The following SHANK1 variants were observed in gnomAD, a reference collection of about 807,000 sequenced individuals.
SHANK1 encodes the protein SH3 and multiple ankyrin repeat domains 1, also known as SH3 and multiple ankyrin repeat domains protein 1.
In SHANK1, 35 loss-of-function variants were observed where a neutral mutation model predicts 165.6. That is an observed-to-expected ratio of 0.21 (90% CI 0.16 to 0.28). The LOEUF (loss-of-function observed/expected upper bound fraction) is 0.28. Among genes scored for constraint, SHANK1 ranks in the 10% least tolerant of loss-of-function variants. The pLI is 1.00. For missense variants in SHANK1, 2,681 were observed against 3,036.4 expected (o/e 0.88, Z 2.75); for synonymous variants, 1,428 against 1,384.8 (o/e 1.03, Z -0.69).
chr19:50,694,083 T>C (rs936370714), intron 15 of SHANK1, among the ~76,000 whole-genome samples: 2 of 150,772 alleles, frequency 1.3e-5, no homozygotes, highest in Non-Finnish European at 3.0e-5. Context: ...AGCCTCGCTG[T>C]CGCTCCAAGT....
chr19:50,717,423 G>T lies in SHANK1; in HGVS notation c.-43-461C>A, dbSNP rs1204059037. On this transcript the variant is annotated intron_variant, in intron 1 of 23. Transcript: ENST00000293441. The surrounding 1 kb of genome is among the most constrained non-coding windows in gnomAD (Gnocchi z 5.5). ...CCCAGGGCCGGGGGGTGGGGTTGGG[G>T]AGAAGCTGAGGCTGACACTGAGATG... Among the ~76,000 whole-genome samples, 3 of 152,222 alleles carry T rather than the reference G, an allele frequency of 2.0e-5. No homozygotes were observed. The highest frequency in any genetic ancestry group is 7.2e-5 in the African/African-American group (3 of 41,470).
At position 50,662,959 on chromosome 19, in the gene SHANK1, A is replaced by G. The variant is rs1015882954; in HGVS notation, c.5769-277T>C. ...GAGACATTAAGTGATAATAATAATA[A>G]TCGTCACCGCTTACTGATGCTCACG... On this transcript the variant is annotated intron_variant, in intron 23 of 23. Transcript: ENST00000293441. This position sits in a 1 kb window ranked among gnomAD's most constrained non-coding sequence, Gnocchi z 7.7. The G allele has an allele frequency of 6.5e-6, 3 of 463,214 alleles. No individual in the cohort carries two copies. Among genetic ancestry groups the G allele is most frequent in the Non-Finnish European group, 1.2e-5 (3 of 254,418 alleles). 28.7% of individuals were successfully genotyped at this position (463,214 alleles called of 1,614,324 possible). A position where few individuals can be genotyped will look rare whatever the true frequency, so the allele number is the denominator to read the frequency against.
At position 50,667,188 on chromosome 19, in the gene SHANK1, G is replaced by C. The variant is rs777170485; in HGVS notation, c.4772C>G (p.Pro1591Arg). The change falls in exon 23 of 24, where the codon CCG becomes CGG. Residue 1591 changes from proline to arginine, a missense_variant. Around this residue, in one of 10 missense-constraint regions of SHANK1, gnomAD observed 1,713 missense variants for 1,630.2 expected, o/e 1.05. Transcript: ENST00000293441. The surrounding 1 kb of genome is among the most constrained non-coding windows in gnomAD (Gnocchi z 5.7). ...GGCAGGGGCAGGTGTGTCGGGCAGC[G>C]GGTGGGGAGGCCCAGGCGTGAGGGG... ...ESPLTPGPPH[P>R]LPDTPAPATP... 1 of 1,570,264 alleles carries C rather than the reference G, an allele frequency of 6.4e-7. No homozygotes were observed. Among genetic ancestry groups the C allele is most frequent in the Admixed American group, 1.8e-5 (1 of 54,304 alleles).
At chr19:50,709,298 C>T (rs1178905266) in intron 8 of SHANK1, among the ~76,000 whole-genome samples, 2 of 152,122 alleles carry the variant, frequency 1.3e-5, no homozygotes, top group Non-Finnish European at 2.9e-5. Context: ...GCCACCACGC[C>T]TGGCTAACTT....
Position 50,718,689 on chromosome 19 carries a change from T to C in SHANK1, c.-44+717A>G, listed in dbSNP as rs1489141606. Among the ~76,000 whole-genome samples the C allele has an allele frequency of 9.3e-6, 1 of 108,008 alleles. No homozygotes were observed. Among genetic ancestry groups the C allele is most frequent in the Non-Finnish European group, 2.0e-5 (1 of 50,844 alleles). The allele number at this position is 108,008 out of a possible 152,430, so 70.9% of individuals were successfully genotyped here. A position where few individuals can be genotyped will look rare whatever the true frequency, so the allele number is the denominator to read the frequency against. On this transcript the variant is annotated intron_variant, in intron 1 of 23. Transcript: ENST00000293441. This position sits in a 1 kb window ranked among gnomAD's most constrained non-coding sequence, Gnocchi z 5.1. ...AGGCTGTGGGGGGACAGGGGGCGGCTGGCGTGGCCGAGAGCGGGGCCGGGG... is the reference window on the plus strand; with the variant it reads ...AGGCTGTGGGGGGACAGGGGGCGGCCGGCGTGGCCGAGAGCGGGGCCGGGG...
At chr19:50,672,573 A>AAAAAAAAG (rs1985837277) in intron 21 of SHANK1, among the ~76,000 whole-genome samples, 1 of 151,074 alleles carries the variant, frequency 6.6e-6, no homozygotes, top group Non-Finnish European at 1.5e-5. Context: ...AAAAAAAAAA[A>AAAAAAAAG]AAAAAAAGAA....
intron 19 of SHANK1, chr19:50,687,060 G>A: frequency 1.4e-6 from 2 of 1,458,304 alleles, no homozygotes; most frequent in Non-Finnish European, 1.8e-6. Flanking sequence ...GGGAGAGGCA[G>A]TAGAGGAGCC....
At chr19:50,694,389 A>C (rs1231538256) in intron 15 of SHANK1, among the ~76,000 whole-genome samples, 1 of 150,626 alleles carries the variant, frequency 6.6e-6, no homozygotes, top group African/African-American at 2.4e-5. Flanking sequence ...GGGACTTGCC[A>C]ACACCGTGAA....
intron 21 of SHANK1, among the ~76,000 whole-genome samples, chr19:50,683,465 C>T (rs1408271901): frequency 1.3e-5 from 2 of 152,168 alleles, no homozygotes; most frequent in South Asian, 2.1e-4. Flanking sequence ...ACATCCAACT[C>T]CTGGCCACCA....
Position 50,667,100 on chromosome 19 carries a change from G to T in SHANK1, c.4860C>A (p.Thr1620=), listed in dbSNP as rs1361052043. 1.3e-6 allele frequency: 2 copies of T among 1,558,428 alleles called. No homozygotes were observed. Among genetic ancestry groups the T allele is most frequent in the Non-Finnish European group, 1.7e-6 (2 of 1,158,508 alleles). ...TGTCATAGGATGTCAGGCTGGATGC[G>T]GTGGAGTCCAGGGTGGGAGGGGCTG... The part of the protein sequence containing the change: ...VAAAPPTLDS[T]ASSLTSYDSE... Residue 1620 remains threonine (T), a synonymous_variant, in exon 23 of 24, where the codon ACC becomes ACA. Transcript: ENST00000293441. The surrounding 1 kb of genome is among the most constrained non-coding windows in gnomAD (Gnocchi z 5.7).
intron 8 of SHANK1, among the ~76,000 whole-genome samples, chr19:50,707,912 TTTTCTTTTCTTTTCTTTTCTTTTC>T (rs1250193421): frequency 3.1e-4 from 16 of 52,178 alleles, no homozygotes; most frequent in Non-Finnish European, 6.2e-4. Context: ...TTTTCTTTTC[TTTTCTTTTCTTTTCTTTTCTTTTC>T]TTTTCTTTTC....
Position 50,668,342 on chromosome 19 carries a change from G to A in SHANK1, c.3618C>T (p.Pro1206=). Residue 1206 remains proline (P), a synonymous_variant, in exon 23 of 24, where the codon CCC becomes CCT. Coordinates refer to ENST00000293441, the MANE Select transcript of SHANK1 (RefSeq NM_016148.5). The part of the protein sequence containing the change: ...SSPSPAPAMS[P]VPPSPSPVPT... ...GCACGGGCGAGGGGGACGGGGGCAC[G>A]GGTGACATGGCCGGGGCGGGGCTGG... is the stretch of plus-strand genomic sequence containing the variant. 2 of 1,261,828 alleles carry A rather than the reference G, an allele frequency of 1.6e-6. No individual in the cohort carries two copies. The highest frequency in any genetic ancestry group is 2.0e-6 in the Non-Finnish European group (2 of 1,005,044). 78.2% of individuals were successfully genotyped at this position (1,261,828 alleles called of 1,614,324 possible).
At chr19:50,704,689 C>T (rs10425580) in intron 8 of SHANK1, among the ~76,000 whole-genome samples, 175 bp from the exon 9 acceptor site, 4,494 of 152,284 alleles carry the variant, frequency 0.03, 225 homozygotes, top group African/African-American at 0.1. Context: ...TTAGTTTAAA[C>T]GTGGCCGGCC....
intron 18 of SHANK1, 62 bp downstream of exon 18, chr19:50,687,861 G>A (rs144554957): frequency 0.01 from 16,180 of 1,599,792 alleles, 119 homozygotes; most frequent in Middle Eastern, 0.034. Context: ...ACCAGCCCTG[G>A]GGCTCCCGCA....
intron 21 of SHANK1, among the ~76,000 whole-genome samples, chr19:50,672,989 A>C (rs563979999): frequency 6.6e-6 from 1 of 151,792 alleles, no homozygotes; most frequent in Non-Finnish European, 1.5e-5. Context: ...CCCATCCCTC[A>C]CCCACTGCTG....
In SHANK1 at chr19:50,716,648, A is replaced by G. The variant is rs375091085; in HGVS notation, c.255+17T>C. 3.2e-6 allele frequency: 5 copies of G among 1,554,342 alleles called. No individual in the cohort carries two copies. In the African/African-American group the frequency reaches 5.5e-5, roughly 17 times the overall value. On this transcript the variant is annotated intron_variant, in intron 2 of 23. Coordinates refer to ENST00000293441, the MANE Select transcript of SHANK1 (RefSeq NM_016148.5). This position sits in a 1 kb window ranked among gnomAD's most constrained non-coding sequence, Gnocchi z 8.4. Reference sequence around the variant, plus strand: ...CACTGTCCCTCTCCTGCCGCTGGCCAGTGGGCAGGTACTCACTGTCTGGTG... The same window carrying G: ...CACTGTCCCTCTCCTGCCGCTGGCCGGTGGGCAGGTACTCACTGTCTGGTG...
intron 23 of SHANK1, among the ~76,000 whole-genome samples, chr19:50,663,452 T>G (rs1234894147): frequency 6.6e-6 from 1 of 152,144 alleles, no homozygotes; most frequent in African/African-American, 2.4e-5. Flanking sequence ...CTGCTCCCTC[T>G]CCACTTTCAT....
chr19:50,698,119 A>G (rs907022435), intron 12 of SHANK1, among the ~76,000 whole-genome samples, 163 bp from the exon 13 acceptor site: 4 of 152,170 alleles, frequency 2.6e-5, no homozygotes, highest in African/African-American at 9.7e-5. Flanking sequence ...GGAGACCCAT[A>G]TCATATCACT....
At chr19:50,689,147 T>C in intron 16 of SHANK1, 50 bp downstream of exon 16, 1 of 1,454,944 alleles carries the variant, frequency 6.9e-7, no homozygotes, top group South Asian at 1.1e-5. Context: ...TCAGCCCTGC[T>C]TCTGGGGTCA....
Sources: gnomAD v4.1 joint callset for allele counts (sites outside exome capture counted in the v4.1 genomes callset) on GRCh38, gnomAD v4.1.1 for gene constraint, gnomAD v4.1.1 regional missense constraint, Gnocchi (gnomAD v3.1) non-coding constraint, MANE v1.5 for transcripts, NCBI Gene and HGNC (gene_info 2026-07-23, HGNC 2026-07-21) for gene names.